The following TMCC2 variants were observed in gnomAD, a reference collection of about 807,000 sequenced individuals.
The protein encoded by TMCC2 is transmembrane and coiled-coil domain family 2.
In TMCC2, 16 loss-of-function variants were observed where a neutral mutation model predicts 49.4. The observed-to-expected ratio is 0.32, with a 90% CI of 0.22 to 0.49. The LOEUF (loss-of-function observed/expected upper bound fraction) is 0.49, where lower values mean the gene tolerates loss of function less well. Among genes scored for constraint, TMCC2 ranks in the 20% least tolerant of loss-of-function variants. The pLI is 0.99. For missense variants in TMCC2, 762 were observed against 989.8 expected (o/e 0.77, Z 3.09); for synonymous variants, 397 against 434.1 (o/e 0.91, Z 1.06).
chr1:205,231,951 A>G (rs1659814976), intron 1 of TMCC2, among the ~76,000 whole-genome samples: 1 of 152,200 alleles, frequency 6.6e-6, no homozygotes, highest in Non-Finnish European at 1.5e-5. Context: ...AATAATAATA[A>G]TAATAATAAA....
rs1176445664 is a variant in TMCC2, at chr1:205,264,039, T to G, written c.748-4911T>G. ...GGAAATAATAGTGCTACCCATCTTGTGAGGTTAATACTGGGATTAAATGAA... is the reference window on the plus strand; with the variant it reads ...GGAAATAATAGTGCTACCCATCTTGGGAGGTTAATACTGGGATTAAATGAA... On this transcript the variant is annotated intron_variant, in intron 2 of 4. Coordinates refer to ENST00000358024, the MANE Select transcript of TMCC2 (RefSeq NM_014858.4). This position sits in a 1 kb window ranked among gnomAD's most constrained non-coding sequence, Gnocchi z 4.2. Among the ~76,000 whole-genome samples the G allele has an allele frequency of 6.6e-6, 1 of 152,248 alleles. No homozygotes were observed. The highest frequency in any genetic ancestry group is 2.4e-5 in the African/African-American group (1 of 41,470).
intron 1 of TMCC2, among the ~76,000 whole-genome samples, chr1:205,240,517 A>G (rs139669585): frequency 6.6e-6 from 1 of 152,362 alleles, no homozygotes; most frequent in East Asian, 1.9e-4. Context: ...TTCATTGCCA[A>G]CCATATCAGG....
chr1:205,241,576 G>T lies in TMCC2; in HGVS notation c.279G>T (p.Arg93=). Residue 93 remains arginine, a synonymous_variant, in exon 2 of 5, where the codon CGG becomes CGT. Coordinates refer to ENST00000358024, the MANE Select transcript of TMCC2 (RefSeq NM_014858.4). This position sits in a 1 kb window ranked among gnomAD's most constrained non-coding sequence, Gnocchi z 7.3. ...AGCACCTGTTCCACAGCCGCCGTCG[G>T]TCTCGGGAAAGGGAGCACCAGACGT... ...GLKHLFHSRR[R]SREREHQTSQ... The T allele has an allele frequency of 1.2e-6, 2 of 1,613,966 alleles. No individual in the cohort carries two copies. The highest frequency in any genetic ancestry group is 4.5e-5 in the East Asian group (2 of 44,876).
chr1:205,266,362 G>A (rs1466878447), intron 2 of TMCC2, among the ~76,000 whole-genome samples: 5 of 151,894 alleles, frequency 3.3e-5, no homozygotes, highest in Admixed American at 2.6e-4. Flanking sequence ...AGGCTGAGGC[G>A]GGTGGATCCC....
rs779056134 is a variant in TMCC2 at position 205,228,641 on chromosome 1, C to T, written c.77C>T (p.Ser26Phe). ...EDGAGLEDAA[S>F]HLPGADLRPG... ...GGAGCTGGGCTGGAAGATGCCGCTTCCCACCTGCCGGGCGCGGACCTCCGG... is the reference window on the plus strand; with the variant it reads ...GGAGCTGGGCTGGAAGATGCCGCTTTCCACCTGCCGGGCGCGGACCTCCGG... Residue 26 changes from serine to phenylalanine, a missense_variant, in exon 1 of 5, where the codon TCC becomes TTC. Around this residue, in one of 2 missense-constraint regions of TMCC2, gnomAD observed 322 missense variants for 353.1 expected, o/e 0.91. Transcript: ENST00000358024. The T allele has an allele frequency of 3.7e-6, 6 of 1,613,130 alleles. No homozygotes were observed. Among genetic ancestry groups the T allele is most frequent in the Non-Finnish European group, 4.2e-6 (5 of 1,179,840 alleles).
At position 205,272,893 on chromosome 1, in the gene TMCC2, T is replaced by C. The variant is rs1315242800; in HGVS notation, c.*769T>C. The C allele has an allele frequency of 6.6e-6, 1 of 152,658 alleles. No individual in the cohort carries two copies. The highest frequency in any genetic ancestry group is 6.5e-5 in the Admixed American group (1 of 15,290). The allele number at this position is 152,658 out of a possible 1,614,324, so 9.5% of individuals were successfully genotyped here. A position where few individuals can be genotyped will look rare whatever the true frequency, so the allele number is the denominator to read the frequency against. ...AGTGCTGTTGGGTTCTATTTATTTA[T>C]TTATTTGTTCCTTTGTTCCCTACCC... On this transcript the variant is annotated 3_prime_UTR_variant, in exon 5 of 5. Coordinates refer to ENST00000358024, the MANE Select transcript of TMCC2 (RefSeq NM_014858.4).
At chr1:205,256,475 A>G in intron 2 of TMCC2, 1 of 1,508,914 alleles carries the variant, frequency 6.6e-7, no homozygotes, top group Non-Finnish European at 9.0e-7. Context: ...GCTGGCAGAG[A>G]CTGGGAAGCA....
intron 1 of TMCC2, chr1:205,230,228 GA>G (rs1659736283): frequency 4.3e-6 from 4 of 927,098 alleles, no homozygotes; most frequent in Non-Finnish European, 5.1e-6. Context: ...GGGGAGGAGT[GA>G]AAAGGGGGAC....
chr1:205,256,395 G>C, intron 2 of TMCC2: 1 of 1,551,080 alleles, frequency 6.4e-7, no homozygotes, highest in African/African-American at 1.4e-5. Context: ...TCAAGATGAA[G>C]TCCAAGGAGG....
At chr1:205,239,703 G>T (rs1483673196) in intron 1 of TMCC2, among the ~76,000 whole-genome samples, 2 of 152,154 alleles carry the variant, frequency 1.3e-5, no homozygotes, top group Admixed American at 6.5e-5. Context: ...AATTTATCTG[G>T]TCTGTAAAAT....
chr1:205,262,625 CTGGGTTTGGTCAGCTTG>C (rs936241928), intron 2 of TMCC2, among the ~76,000 whole-genome samples: 4 of 152,172 alleles, frequency 2.6e-5, no homozygotes, highest in African/African-American at 9.7e-5. Context: ...ATAACCTTTC[CTGGGTTTGGTCAGCTTG>C]TGTGTGAAGA....
chr1:205,262,826 A>AGGCT (rs1303705663), intron 2 of TMCC2, among the ~76,000 whole-genome samples: 2 of 151,976 alleles, frequency 1.3e-5, no homozygotes, highest in Non-Finnish European at 2.9e-5. Flanking sequence ...TCTAAGGAGG[A>AGGCT]GGCTGGTGGT....
intron 2 of TMCC2, chr1:205,246,532 G>A: frequency 6.6e-7 from 1 of 1,526,598 alleles, no homozygotes; most frequent in Non-Finnish European, 8.8e-7. Context: ...CTGGGGAGAA[G>A]TCTGTTCTCA....
intron 2 of TMCC2, chr1:205,257,311 T>C: frequency 8.1e-7 from 1 of 1,232,058 alleles, no homozygotes; most frequent in Admixed American, 4.2e-5. Context: ...AGCTGGGGCC[T>C]CAGAGCCCCG....
At chr1:205,246,732 T>G (rs1159141543) in intron 2 of TMCC2, 1 of 1,541,798 alleles carries the variant, frequency 6.5e-7, no homozygotes, top group Non-Finnish European at 8.8e-7. Context: ...ATTAGAAAAA[T>G]CCTGTCAAGC....
At chr1:205,250,715 TG>T (rs1660634141) in intron 2 of TMCC2, among the ~76,000 whole-genome samples, 1 of 152,054 alleles carries the variant, frequency 6.6e-6, no homozygotes, top group Admixed American at 6.5e-5. Context: ...CAAAACTTGG[TG>T]GGAGACAAGC....
intron 2 of TMCC2, chr1:205,246,580 C>G: frequency 2.6e-6 from 4 of 1,549,204 alleles, no homozygotes; most frequent in Non-Finnish European, 3.5e-6. Context: ...AAAAGGGTGG[C>G]GTGGCTTTGT....
rs1457741134 is a variant in TMCC2, at chr1:205,228,528, T to G, written c.-37T>G. On this transcript the variant is annotated 5_prime_UTR_variant, in exon 1 of 5. Coordinates refer to ENST00000358024, the MANE Select transcript of TMCC2 (RefSeq NM_014858.4). ...TGCGGTCTTCCCCAAGACGGCGCGC[T>G]GGAAGGACAGATTCCCCTTGCCGAC... is the stretch of plus-strand genomic sequence containing the variant. The G allele has an allele frequency of 1.9e-6, 3 of 1,565,226 alleles. No individual in the cohort carries two copies. The highest frequency in any genetic ancestry group is 2.3e-5 in the South Asian group (2 of 86,712).
intron 3 of TMCC2, among the ~76,000 whole-genome samples, chr1:205,270,865 G>A (rs1448194110): frequency 6.6e-6 from 1 of 152,166 alleles, no homozygotes; most frequent in Non-Finnish European, 1.5e-5. Flanking sequence ...GATGACACTG[G>A]CACCTATCTC....
Sources: gnomAD v4.1 joint callset for allele counts (sites outside exome capture counted in the v4.1 genomes callset) on GRCh38, gnomAD v4.1.1 for gene constraint, gnomAD v4.1.1 regional missense constraint, Gnocchi (gnomAD v3.1) non-coding constraint, MANE v1.5 for transcripts, NCBI Gene and HGNC (gene_info 2026-07-23, HGNC 2026-07-21) for gene names.